The following KIAA1671 variants were observed in gnomAD, a reference collection of about 807,000 sequenced individuals.
KIAA1671 encodes uncharacterized protein KIAA1671.
Under a neutral mutation model 131.2 loss-of-function variants are expected in KIAA1671, and 52 were observed. The ratio of observed to expected loss-of-function variants is 0.40; its 90% CI spans 0.32 to 0.50. The LOEUF (loss-of-function observed/expected upper bound fraction) is 0.50. KIAA1671 is among the 20% of genes least tolerant of loss of function. The probability of loss-of-function intolerance (pLI) is 0.73; values close to 1 mark genes in which losing one functional copy is unlikely to be tolerated. For synonymous variants in KIAA1671, 1,003 were observed against 961.6 expected (o/e 1.04, Z -0.80); for missense variants, 2,360 against 2,364.2 (o/e 1.00, Z 0.04).
chr22:25,016,158 T>C (rs968057780), intron 1 of KIAA1671, among the ~76,000 whole-genome samples: 1 of 152,054 alleles, frequency 6.6e-6, no homozygotes, highest in African/African-American at 2.4e-5. Context: ...GTAGCTGGGA[T>C]TACAGGCATG....
At chr22:24,957,671 CTTTTTTTTTTTT>C (rs886130979) in intron 1 of KIAA1671, among the ~76,000 whole-genome samples, 3 of 100,322 alleles carry the variant, frequency 3.0e-5, no homozygotes, top group African/African-American at 4.3e-5. Context: ...TCTTTTGTTC[CTTTTTTTTTTTT>C]TTTTTTTTTT....
intron 6 of KIAA1671, among the ~76,000 whole-genome samples, chr22:25,093,744 C>CTCTCTCTCTCTCTT (rs1930178299): frequency 9.5e-6 from 1 of 104,962 alleles, no homozygotes; most frequent in African/African-American, 4.1e-5. Context: ...CACACTCTCT[C>CTCTCTCTCTCTCTT]TCTCTCTCTC....
chr22:24,988,816 G>GA (rs1449109601), intron 1 of KIAA1671, among the ~76,000 whole-genome samples: 1 of 152,048 alleles, frequency 6.6e-6, no homozygotes, highest in Non-Finnish European at 1.5e-5. Flanking sequence ...CAAAGATGGG[G>GA]AGGGAATGGG....
intron 6 of KIAA1671, among the ~76,000 whole-genome samples, chr22:25,163,331 ATTTTTTTTTT>A (rs132895): frequency 4.2e-3 from 231 of 55,562 alleles, no homozygotes; most frequent in African/African-American, 0.015. Flanking sequence ...ATTGCCTCAA[ATTTTTTTTTT>A]TTTTTTTTTT....
chr22:25,112,988 G>C (rs1358701940), intron 6 of KIAA1671, among the ~76,000 whole-genome samples: 1 of 151,916 alleles, frequency 6.6e-6, no homozygotes, highest in Non-Finnish European at 1.5e-5. Flanking sequence ...CTTGGGTTTG[G>C]TGTGAGTGGG....
At chr22:25,159,395 A>C (rs1433824245) in intron 6 of KIAA1671, among the ~76,000 whole-genome samples, 3 of 152,062 alleles carry the variant, frequency 2.0e-5, no homozygotes, top group Non-Finnish European at 4.4e-5. Context: ...GTGCCCTTGG[A>C]GGGAGTCCTA....
At chr22:25,077,884 C>T (rs1929201457) in intron 6 of KIAA1671, among the ~76,000 whole-genome samples, 2 of 152,220 alleles carry the variant, frequency 1.3e-5, no homozygotes, top group South Asian at 4.1e-4. Flanking sequence ...GTAATCACCT[C>T]TAGGTGACAG....
intron 1 of KIAA1671, among the ~76,000 whole-genome samples, chr22:24,957,967 T>C (rs1206441939): frequency 2.1e-5 from 2 of 96,594 alleles, no homozygotes; most frequent in Non-Finnish European, 4.2e-5. Flanking sequence ...CACCCGGCCT[T>C]TTTTTTTTTT....
chr22:24,981,613 T>G (rs1345469550), intron 1 of KIAA1671, among the ~76,000 whole-genome samples: 1 of 152,072 alleles, frequency 6.6e-6, no homozygotes, highest in Non-Finnish European at 1.5e-5. Context: ...GGATCTGTAT[T>G]CAAAAGGAAA....
chr22:25,045,774 A>G (rs2145814680), intron 5 of KIAA1671, among the ~76,000 whole-genome samples: 1 of 152,088 alleles, frequency 6.6e-6, no homozygotes, highest in South Asian at 2.1e-4. Flanking sequence ...TATTTTTAGT[A>G]GAGATGGGGT....
intron 6 of KIAA1671, among the ~76,000 whole-genome samples, chr22:25,144,906 G>A (rs1932854461): frequency 6.6e-6 from 1 of 152,200 alleles, no homozygotes; most frequent in Non-Finnish European, 1.5e-5. Flanking sequence ...ATTATCTGAT[G>A]TTTCCATGCA....
chr22:25,069,713 A>G (rs1018201681), intron 6 of KIAA1671, among the ~76,000 whole-genome samples: 1 of 152,204 alleles, frequency 6.6e-6, no homozygotes, highest in Non-Finnish European at 1.5e-5. Context: ...TAAAAGGAAC[A>G]TGACTGACAT....
At chr22:25,100,552 G>A (rs1291516640) in intron 6 of KIAA1671, among the ~76,000 whole-genome samples, 5 of 152,232 alleles carry the variant, frequency 3.3e-5, no homozygotes, top group African/African-American at 1.2e-4. Flanking sequence ...CGTGGGTTGT[G>A]TCACAGCTCT....
rs560974988 is a variant in KIAA1671 at position 25,105,347 on chromosome 22, G to A, written c.4530+55983G>A. 9.2e-5 allele frequency among the ~76,000 whole-genome samples: 14 copies of A among 152,258 alleles called. No individual in the cohort carries two copies. The South Asian group carries it at 2.9e-3, about 32-fold the overall frequency. ...CATTTTCTGATTTCTGAAATCACAC[G>A]TGATTGTCTAGAAATGGCGATCTCT... On this transcript the variant is annotated intron_variant, in intron 6 of 12. Coordinates refer to ENST00000358431, the MANE Select transcript of KIAA1671 (RefSeq NM_001145206.2).
intron 1 of KIAA1671, chr22:25,012,794 G>A (rs1172498611): frequency 1.3e-5 from 2 of 152,224 alleles, no homozygotes; most frequent in Non-Finnish European, 2.9e-5. Context: ...AGATGTAGGT[G>A]TTAAAGTCAT....
chr22:25,169,708 C>T (rs531427013), intron 6 of KIAA1671, among the ~76,000 whole-genome samples: 1 of 152,312 alleles, frequency 6.6e-6, no homozygotes, highest in Admixed American at 6.5e-5. Flanking sequence ...CCACCGTGTG[C>T]CAGGCTTGGC....
At chr22:25,133,974 A>G (rs527862509) in intron 6 of KIAA1671, among the ~76,000 whole-genome samples, 2 of 152,346 alleles carry the variant, frequency 1.3e-5, no homozygotes, top group Non-Finnish European at 2.9e-5. Context: ...AGATTCCACA[A>G]GGGGAACTTT....
At chr22:25,001,235 A>G (rs5760792) in intron 1 of KIAA1671, among the ~76,000 whole-genome samples, 5 of 121,284 alleles carry the variant, frequency 4.1e-5, no homozygotes, top group East Asian at 5.0e-4. Context: ...ATGTGTGTGT[A>G]TATGTGTGTG....
At chr22:25,012,914 G>A (rs1447423435) in intron 1 of KIAA1671, 2 of 152,250 alleles carry the variant, frequency 1.3e-5, no homozygotes, top group African/African-American at 2.4e-5. Flanking sequence ...TCCTAAAGTC[G>A]TCTTGTGTCC....
Sources: gnomAD v4.1 joint callset for allele counts (sites outside exome capture counted in the v4.1 genomes callset) on GRCh38, gnomAD v4.1.1 for gene constraint, MANE v1.5 for transcripts, NCBI Gene and HGNC (gene_info 2026-07-23, HGNC 2026-07-21) for gene names.